The following ILDR2 variants were observed in gnomAD, a reference collection of about 807,000 sequenced individuals.
ILDR2 encodes the protein immunoglobulin-like domain-containing receptor 2.
A neutral mutation model predicts 66.8 loss-of-function variants in ILDR2; 25 were observed. That is an observed-to-expected ratio of 0.37 (90% CI 0.27 to 0.52). The LOEUF is 0.52. Among genes scored for constraint, ILDR2 ranks in the 20% least tolerant of loss-of-function variants. The pLI is 0.88. For synonymous variants in ILDR2, 367 were observed against 357.2 expected, an observed-to-expected ratio of 1.03 and a Z score of -0.31; for missense variants, 827 against 876.8, an observed-to-expected ratio of 0.94 and a Z score of 0.72.
At chr1:166,931,889 TA>T (rs1482005806) in intron 6 of ILDR2, among the ~76,000 whole-genome samples, 2 of 152,164 alleles carry the variant, frequency 1.3e-5, no homozygotes, top group East Asian at 3.9e-4. Flanking sequence ...TTCAATTTCC[TA>T]GGGGCTGAGG....
At chr1:166,939,075 G>A (rs907462477) in intron 4 of ILDR2, among the ~76,000 whole-genome samples, 19 of 152,016 alleles carry the variant, frequency 1.2e-4, no homozygotes, top group East Asian at 5.8e-4. Flanking sequence ...CTTTCCTAAG[G>A]TTTGAAAAAA....
intron 9 of ILDR2, 139 bp from the exon 10 acceptor site, chr1:166,919,529 C>T: frequency 1.5e-6 from 1 of 681,804 alleles, no homozygotes; most frequent in South Asian, 2.1e-5. Context: ...TTCATTAGAC[C>T]TGTGATGGTT....
chr1:166,962,547 C>T (rs1316076815), intron 1 of ILDR2, among the ~76,000 whole-genome samples: 3 of 152,122 alleles, frequency 2.0e-5, no homozygotes, highest in South Asian at 2.1e-4. Flanking sequence ...CCACATAGAT[C>T]AGGCCCCTCA....
chr1:166,961,941 C>T (rs1662642829), intron 1 of ILDR2, among the ~76,000 whole-genome samples: 1 of 152,156 alleles, frequency 6.6e-6, no homozygotes, highest in Non-Finnish European at 1.5e-5. Flanking sequence ...TAACCCTGCA[C>T]GTGTATGCAC....
intron 3 of ILDR2, among the ~76,000 whole-genome samples, chr1:166,947,410 C>T (rs1380392077): frequency 6.6e-6 from 1 of 152,242 alleles, no homozygotes; most frequent in Non-Finnish European, 1.5e-5. Context: ...CCCTTTCCTC[C>T]GTGGCCAGCC....
chr1:166,920,951 C>A lies in ILDR2; in HGVS notation c.1640G>T (p.Ser547Ile), dbSNP rs759860924. 2.7e-6 allele frequency: 4 copies of A among 1,484,122 alleles called. 1 individual carries two copies. In the South Asian group the frequency reaches 5.2e-5, roughly 19 times the overall value. The allele number at this position is 1,484,122 out of a possible 1,614,324, so 91.9% of individuals were successfully genotyped here. Residue 547 changes from serine to isoleucine, a missense_variant, in exon 9 of 10, where the codon AGC becomes ATC. Physicochemically the swap from Ser to Ile is moderately radical, Grantham distance 142. Coordinates refer to ENST00000271417, the MANE Select transcript of ILDR2 (RefSeq NM_199351.3). ...GCTCCGCTTGGATGGCGTCTCCAGG[C>A]TGCCACCGCGGCTGGCGCCCTCGGG... ...ARPEGASRGG[S>I]LETPSKRSAQ...
intron 6 of ILDR2, chr1:166,933,655 T>C (rs1170354308): frequency 2.1e-5 from 10 of 465,684 alleles, no homozygotes; most frequent in Non-Finnish European, 2.8e-5. Context: ...TTTTATTAGA[T>C]AATCCATTAA....
At position 166,921,027 on chromosome 1, in the gene ILDR2, G is replaced by A; in HGVS notation, c.1564C>T (p.Pro522Ser). Reference sequence around the variant, plus strand: ...CCCAGGTACGAGTGGTCGTATTTGGGTGCGGTGCCTGGCGTGCGGCTCACC... The same window carrying A: ...CCCAGGTACGAGTGGTCGTATTTGGATGCGGTGCCTGGCGTGCGGCTCACC... ...RLVSRTPGTA[P>S]KYDHSYLGSA... Residue 522 changes from proline (P) to serine (S), a missense_variant, in exon 9 of 10, where the codon CCC (proline) becomes TCC (serine). Pro to Ser is a moderately conservative substitution (Grantham distance 74). This residue lies in a region of ILDR2 where 390 missense variants were observed against 353.6 expected (regional missense o/e 1.10). Coordinates refer to ENST00000271417, the MANE Select transcript of ILDR2 (RefSeq NM_199351.3). This position sits in a 1 kb window ranked among gnomAD's most constrained non-coding sequence, Gnocchi z 5.3. 6.6e-7 allele frequency: 1 copy of A among 1,515,022 alleles called. No homozygotes were observed. Among genetic ancestry groups the A allele is most frequent in the East Asian group, 2.7e-5 (1 of 37,666 alleles). The allele number at this position is 1,515,022 out of a possible 1,614,324, so 93.8% of individuals were successfully genotyped here. A position where few individuals can be genotyped will look rare whatever the true frequency, so the allele number is the denominator to read the frequency against.
chr1:166,899,109 T>G (rs2101811476), intron 2 of ILDR2, among the ~76,000 whole-genome samples: 1 of 151,616 alleles, frequency 6.6e-6, no homozygotes, highest in South Asian at 2.1e-4. Context: ...AAGACATGAT[T>G]GGCCGGGCGC....
In ILDR2 at chr1:166,908,822, A is replaced by T. The variant is rs1031325234; in HGVS notation, c.*10533T>A. 1 of 152,192 alleles carries T rather than the reference A, an allele frequency of 6.6e-6. No individual in the cohort carries two copies. The highest frequency in any genetic ancestry group is 2.4e-5 in the African/African-American group (1 of 41,452). The allele number at this position is 152,192 out of a possible 1,614,324, so 9.4% of individuals were successfully genotyped here. A position where few individuals can be genotyped will look rare whatever the true frequency, so the allele number is the denominator to read the frequency against. On this transcript the variant is annotated 3_prime_UTR_variant, in exon 10 of 10. Transcript: ENST00000271417. ...GGATTTGTCACTGAACTGTGGTAAAAACAGCCTCCCTGAAGCCTTGGGTTG... is the reference window on the plus strand; with the variant it reads ...GGATTTGTCACTGAACTGTGGTAAATACAGCCTCCCTGAAGCCTTGGGTTG...
chr1:166,963,302 T>C (rs1166901000), intron 1 of ILDR2, among the ~76,000 whole-genome samples: 1 of 152,234 alleles, frequency 6.6e-6, no homozygotes, highest in Non-Finnish European at 1.5e-5. Context: ...GCACTTTTCA[T>C]GTAGTATCCT....
At chr1:166,927,740 T>C (rs940147909) in intron 6 of ILDR2, among the ~76,000 whole-genome samples, 2 of 152,234 alleles carry the variant, frequency 1.3e-5, no homozygotes, top group African/African-American at 4.8e-5. Context: ...CTAGACCATA[T>C]ACATAGTAGT....
chr1:166,939,907 G>A (rs907498963), intron 3 of ILDR2, among the ~76,000 whole-genome samples: 1 of 152,192 alleles, frequency 6.6e-6, no homozygotes, highest in Non-Finnish European at 1.5e-5. Flanking sequence ...CACTTCATTG[G>A]AAAGTCAAGC....
intron 2 of ILDR2, among the ~76,000 whole-genome samples, chr1:166,957,305 G>C (rs1430714849): frequency 6.6e-6 from 1 of 152,226 alleles, no homozygotes; most frequent in Non-Finnish European, 1.5e-5. Flanking sequence ...GGGTGGAATT[G>C]ATGCAAAGCC....
chr1:166,945,913 T>A (rs1167649310), intron 3 of ILDR2, among the ~76,000 whole-genome samples: 1 of 152,166 alleles, frequency 6.6e-6, no homozygotes, highest in East Asian at 1.9e-4. Context: ...TCCGTGTGGT[T>A]CCCCTCTTCT....
In ILDR2 at chr1:166,913,695, T is replaced by C. The variant is rs1659530959; in HGVS notation, c.*5660A>G. The C allele has an allele frequency of 6.6e-6, 1 of 152,278 alleles. No individual in the cohort carries two copies. The highest frequency in any genetic ancestry group is 6.5e-5 in the Admixed American group (1 of 15,290). 9.4% of individuals were successfully genotyped at this position (152,278 alleles called of 1,614,324 possible). A position where few individuals can be genotyped will look rare whatever the true frequency, so the allele number is the denominator to read the frequency against. On this transcript the variant is annotated 3_prime_UTR_variant, in exon 10 of 10. Coordinates refer to ENST00000271417, the MANE Select transcript of ILDR2 (RefSeq NM_199351.3). ...TGTAGTGAAGATGCCAGATTTTTGC[T>C]GTTAAGCAGCTTCTGCCTGGAGTTC...
In ILDR2 at chr1:166,941,635, G is replaced by T. The variant is rs182536962; in HGVS notation, c.500-2065C>A. On this transcript the variant is annotated intron_variant, in intron 3 of 9. Transcript: ENST00000271417. ...TACATACTGTTTTTTTAGCAATCCA[G>T]TTATCAGATATGTACTTGATGGTGG... 6.2e-3 allele frequency among the ~76,000 whole-genome samples: 951 copies of T among 152,214 alleles called. 8 individuals carry two copies. The highest frequency in any genetic ancestry group is 0.021 in the African/African-American group (884 of 41,532).
At position 166,916,156 on chromosome 1, in the gene ILDR2, A is replaced by C. The variant is rs1659635384; in HGVS notation, c.*3199T>G. ...TCAGTAGTGACTCACAGGCAAGCAC[A>C]GCAGCTTATGCATCATCCCCCTGGG... On this transcript the variant is annotated 3_prime_UTR_variant, in exon 10 of 10. Coordinates refer to ENST00000271417, the MANE Select transcript of ILDR2 (RefSeq NM_199351.3). 6.6e-6 allele frequency: 1 copy of C among 152,292 alleles called. No individual in the cohort carries two copies. The highest frequency in any genetic ancestry group is 6.5e-5 in the Admixed American group (1 of 15,282). The allele number at this position is 152,292 out of a possible 1,614,324, so 9.4% of individuals were successfully genotyped here.
intron 3 of ILDR2, among the ~76,000 whole-genome samples, chr1:166,950,327 T>C (rs1354589406): frequency 6.6e-6 from 1 of 152,194 alleles, no homozygotes; most frequent in African/African-American, 2.4e-5. Flanking sequence ...GCTGTTGCCA[T>C]GGGAACTCTG....
Sources: allele counts gnomAD v4.1 joint callset (sites outside exome capture counted in the v4.1 genomes callset), GRCh38; gene constraint gnomAD v4.1.1; regional missense constraint gnomAD v4.1.1; non-coding constraint Gnocchi (gnomAD v3.1); transcripts MANE v1.5; gene names NCBI Gene and HGNC (gene_info 2026-07-23, HGNC 2026-07-21).